Variants in PRKD3 observed in about 807,000 individuals in gnomAD.
The protein encoded by PRKD3 is serine/threonine-protein kinase D3.
Under a neutral mutation model 99.2 loss-of-function variants are expected in PRKD3, and 47 were observed. That is an observed-to-expected ratio of 0.47 (90% CI 0.38 to 0.60). PRKD3 has a LOEUF of 0.60. Among genes scored for constraint, PRKD3 ranks in the 20% least tolerant of loss-of-function variants. The pLI, the probability that PRKD3 is intolerant of heterozygous loss-of-function variation, is 0.00. For synonymous variants in PRKD3, 392 were observed against 355.4 expected (o/e 1.10, Z -1.16); for missense variants, 1,019 against 1,088.4 (o/e 0.94, Z 0.90).
intron 7 of PRKD3, among the ~76,000 whole-genome samples, chr2:37,281,225 G>A (rs967267307): frequency 2.0e-5 from 3 of 152,204 alleles, no homozygotes; most frequent in African/African-American, 7.2e-5. Flanking sequence ...TGCACATTAA[G>A]ATAAATATAA....
At chr2:37,270,904 T>C (rs1420301023) in intron 12 of PRKD3, among the ~76,000 whole-genome samples, 1 of 152,182 alleles carries the variant, frequency 6.6e-6, no homozygotes, top group Non-Finnish European at 1.5e-5. Flanking sequence ...TTTTCCCCCA[T>C]GACATGGATG....
chr2:37,270,749 C>A (rs1288988861), intron 12 of PRKD3, among the ~76,000 whole-genome samples: 2 of 152,100 alleles, frequency 1.3e-5, no homozygotes, highest in Non-Finnish European at 2.9e-5. Context: ...TATAAGCCTC[C>A]CCACTTTAAT....
At chr2:37,300,077 T>A (rs1670855252) in intron 2 of PRKD3, among the ~76,000 whole-genome samples, 1 of 152,188 alleles carries the variant, frequency 6.6e-6, no homozygotes, top group Non-Finnish European at 1.5e-5. Context: ...ATCCCATGGT[T>A]ACTGCAGCAA....
At chr2:37,291,695 G>C (rs1670434038) in intron 3 of PRKD3, among the ~76,000 whole-genome samples, 1 of 152,188 alleles carries the variant, frequency 6.6e-6, no homozygotes, top group Admixed American at 6.5e-5. Flanking sequence ...CAGTGTAGCA[G>C]GGAGTGAGAT....
intron 17 of PRKD3, among the ~76,000 whole-genome samples, chr2:37,256,322 A>G (rs1197325557): frequency 6.6e-6 from 1 of 152,188 alleles, no homozygotes; most frequent in Non-Finnish European, 1.5e-5. Flanking sequence ...ACCATAAATG[A>G]AAGTAATGTT....
At chr2:37,290,554 A>C (rs1670363454) in intron 4 of PRKD3, among the ~76,000 whole-genome samples, 1 of 152,216 alleles carries the variant, frequency 6.6e-6, no homozygotes, top group Admixed American at 6.5e-5. Context: ...TTAAAAACAA[A>C]AAACAACATG....
At chr2:37,286,030 A>T in intron 6 of PRKD3, 147 bp downstream of exon 6, 1 of 746,998 alleles carries the variant, frequency 1.3e-6, no homozygotes, top group Non-Finnish European at 2.1e-6. Context: ...ACACACATTT[A>T]TATTTTGTTT....
rs558435493 is a variant in PRKD3, at chr2:37,292,571, C to T, written c.427+562G>A. ...TCTTGTTAGCCAGGATGGTCTTGAT[C>T]TCCTGACCTCGTGATCCGCCCGCCT... On this transcript the variant is annotated intron_variant, in intron 3 of 18. Transcript: ENST00000234179. Among the ~76,000 whole-genome samples, 14 of 152,208 alleles carry T rather than the reference C, an allele frequency of 9.2e-5. No homozygotes were observed. In the South Asian group the frequency reaches 2.7e-3, roughly 29 times the overall value.
chr2:37,307,127 G>A (rs983086210), intron 2 of PRKD3, among the ~76,000 whole-genome samples: 1 of 152,280 alleles, frequency 6.6e-6, no homozygotes, highest in African/African-American at 2.4e-5. Context: ...TGCTCCAGTT[G>A]TGCATCCAAA....
intron 1 of PRKD3, among the ~76,000 whole-genome samples, chr2:37,320,035 C>T (rs1210796235): frequency 6.6e-6 from 1 of 152,182 alleles, no homozygotes; most frequent in African/African-American, 2.4e-5. Flanking sequence ...GCAATTTTCA[C>T]AGCAATTAGT....
Position 37,316,607 on chromosome 2 carries a change from A to T in PRKD3, c.-83T>A. 6.6e-7 allele frequency: 1 copy of T among 1,520,376 alleles called. No individual in the cohort carries two copies. The highest frequency in any genetic ancestry group is 1.3e-5 in the South Asian group (1 of 74,446). 94.2% of individuals were successfully genotyped at this position (1,520,376 alleles called of 1,614,324 possible). ...GGTTTTTAAAATAACAGCAGTAAAG[A>T]AAATGACCGCACTTTTGGATTTAGT... On this transcript the variant is annotated 5_prime_UTR_variant, in exon 2 of 19. Transcript: ENST00000234179.
chr2:37,322,804 G>C (rs1402144905), intron 1 of PRKD3, among the ~76,000 whole-genome samples: 1 of 152,108 alleles, frequency 6.6e-6, no homozygotes, highest in African/African-American at 2.4e-5. Flanking sequence ...TACATAATCA[G>C]CGAGACTCAA....
chr2:37,309,738 C>T (rs376908828), intron 2 of PRKD3, among the ~76,000 whole-genome samples: 25 of 151,496 alleles, frequency 1.7e-4, no homozygotes, highest in African/African-American at 6.0e-4. Context: ...ATCCCAGCTA[C>T]TCGGGAGGCT....
intron 1 of PRKD3, among the ~76,000 whole-genome samples, chr2:37,323,686 T>C (rs1423834984): frequency 6.6e-6 from 1 of 152,064 alleles, no homozygotes; most frequent in East Asian, 1.9e-4. Flanking sequence ...AAAAAAAAAG[T>C]TTCAGAGGAA....
intron 12 of PRKD3, 129 bp from the exon 13 acceptor site, chr2:37,269,816 AC>A (rs759894976): frequency 1.0e-5 from 7 of 675,234 alleles, no homozygotes; most frequent in Non-Finnish European, 1.7e-5. Flanking sequence ...TAAAGTGCAA[AC>A]TATTTTATGA....
At chr2:37,267,641 T>C (rs1164496025) in intron 13 of PRKD3, 105 bp from the exon 14 acceptor site, 7 of 884,420 alleles carry the variant, frequency 7.9e-6, no homozygotes, top group Non-Finnish European at 1.2e-5. Context: ...AATTTTCTTT[T>C]TGGCTCATTT....
chr2:37,268,357 CT>C (rs1668984009), intron 13 of PRKD3: 1 of 470,764 alleles, frequency 2.1e-6, no homozygotes, highest in Admixed American at 2.4e-5. Flanking sequence ...TGTAACTACT[CT>C]TAAAACTGAC....
At position 37,316,251 on chromosome 2, in the gene PRKD3, T is replaced by G. The variant is rs751121026; in HGVS notation, c.274A>C (p.Ile92Leu). The G allele has an allele frequency of 3.1e-6, 5 of 1,612,994 alleles. No individual in the cohort carries two copies. Among genetic ancestry groups the G allele is most frequent in the East Asian group, 2.2e-5 (1 of 44,898 alleles). ...LSAVKDLVCSIVYQKFPECGF... is the reference protein window; with the variant it reads ...LSAVKDLVCSLVYQKFPECGF... ...ACACACAGTACCTTTTGATAAACTATGGAGCACACAAGATCCTTGACAGCA... is the reference window on the plus strand; with the variant it reads ...ACACACAGTACCTTTTGATAAACTAGGGAGCACACAAGATCCTTGACAGCA... Residue 92 changes from isoleucine (I) to leucine (L), a missense_variant, in exon 2 of 19, where the codon ATA (isoleucine) becomes CTA (leucine). Around this residue, in one of 3 missense-constraint regions of PRKD3, gnomAD observed 710 missense variants for 692.7 expected, o/e 1.02. Transcript: ENST00000234179.
At chr2:37,266,936 G>A (rs115293758) in intron 14 of PRKD3, among the ~76,000 whole-genome samples, 3,452 of 152,220 alleles carry the variant, frequency 0.023, 59 homozygotes, top group South Asian at 0.041. Flanking sequence ...CCGCCCCCAA[G>A]GGGTAAAAAT....
Sources: allele counts gnomAD v4.1 joint callset (sites outside exome capture counted in the v4.1 genomes callset), GRCh38; gene constraint gnomAD v4.1.1; regional missense constraint gnomAD v4.1.1; transcripts MANE v1.5; gene names NCBI Gene and HGNC (gene_info 2026-07-23, HGNC 2026-07-21).